Variants in RPGRIP1L observed in about 807,000 individuals in gnomAD.
The protein encoded by RPGRIP1L is protein fantom.
Under a neutral mutation model 160.4 loss-of-function variants are expected in RPGRIP1L, and 131 were observed. The observed-to-expected ratio is 0.82, with a 90% CI of 0.71 to 0.94. RPGRIP1L has a LOEUF of 0.94. Among genes scored for constraint, RPGRIP1L ranks in the 40% least tolerant of loss-of-function variants. The pLI, the probability that RPGRIP1L is intolerant of heterozygous loss-of-function variation, is 0.00. For missense variants in RPGRIP1L, 1,522 were observed against 1,535.8 expected, an observed-to-expected ratio of 0.99 and a Z score of 0.15; for synonymous variants, 510 against 515.8, an observed-to-expected ratio of 0.99 and a Z score of 0.15.
intron 16 of RPGRIP1L, among the ~76,000 whole-genome samples, 171 bp downstream of exon 16, chr16:53,648,793 T>A (rs1439184314): frequency 6.6e-6 from 1 of 151,236 alleles, no homozygotes; most frequent in Admixed American, 6.6e-5. Context: ...TTACAGGGGA[T>A]CTCTTTGTAC....
At chr16:53,689,062 CTATATA>C (rs149697924) in intron 4 of RPGRIP1L, among the ~76,000 whole-genome samples, 3 of 146,620 alleles carry the variant, frequency 2.0e-5, no homozygotes, top group African/African-American at 5.0e-5. Context: ...TTGCCAATGG[CTATATA>C]TATATATATG....
chr16:53,666,592 G>GTGTATA (rs1555608921), intron 9 of RPGRIP1L, among the ~76,000 whole-genome samples: 20 of 147,458 alleles, frequency 1.4e-4, no homozygotes, highest in Non-Finnish European at 2.7e-4. Flanking sequence ...GTGTGTGTGT[G>GTGTATA]TATATATATA....
chr16:53,607,471 G>A (rs1002275102), intron 25 of RPGRIP1L, among the ~76,000 whole-genome samples: 10 of 152,154 alleles, frequency 6.6e-5, no homozygotes, highest in African/African-American at 2.4e-4. Flanking sequence ...TTCCTAAAAT[G>A]AATTAGGAAA....
rs144623503 is a variant in RPGRIP1L at position 53,659,066 on chromosome 16, C to T, written c.1244-188G>A. 4.5e-3 allele frequency: 2,782 copies of T among 619,046 alleles called. 76 individuals carry two copies. The Admixed American group carries it at 0.06, about 13-fold the overall frequency. 38.3% of individuals were successfully genotyped at this position (619,046 alleles called of 1,614,324 possible). On this transcript the variant is annotated intron_variant, in intron 10 of 26. Coordinates refer to ENST00000647211, the MANE Select transcript of RPGRIP1L (RefSeq NM_015272.5). ...GGAATAAATGAACACTATCATGTGT[C>T]TACCATATGATTCACTTGCTCATCA...
Position 53,605,216 on chromosome 16 carries a change from A to G in RPGRIP1L, c.3835+265T>C, listed in dbSNP as rs527752736. ...ATGGCCAACTTTTTTTCACGCCTTC[A>G]CTCAATACTAACAAATGAATAATTC... On this transcript the variant is annotated intron_variant, in intron 26 of 26. Coordinates refer to ENST00000647211, the MANE Select transcript of RPGRIP1L (RefSeq NM_015272.5). Among the ~76,000 whole-genome samples, 25 of 152,014 alleles carry G rather than the reference A, an allele frequency of 1.6e-4. No individual in the cohort carries two copies. In the South Asian group the frequency reaches 3.5e-3, roughly 21 times the overall value.
In RPGRIP1L at chr16:53,664,993, G is replaced by A. The variant is rs200773352; in HGVS notation, c.1120C>T (p.His374Tyr). ...KLYDSAFSAA[H>Y]EEQWKLKEQQ... The stretch of plus-strand genomic sequence containing the variant: ...TCCTTTAACTTCCATTGCTCTTCAT[G>A]GGCAGCACTGAAGGCACTGCAAAAC... Residue 374 changes from histidine to tyrosine, a missense_variant, in exon 10 of 27, where the codon CAT becomes TAT. Transcript: ENST00000647211. The A allele has an allele frequency of 2.1e-4, 338 of 1,613,532 alleles. 2 individuals carry two copies. The South Asian group carries it at 3.5e-3, about 17-fold the overall frequency.
At chr16:53,694,088 T>C (rs1009527119) in intron 3 of RPGRIP1L, 13 of 152,202 alleles carry the variant, frequency 8.5e-5, no homozygotes, top group Non-Finnish European at 1.5e-4. Context: ...TTGATTATTT[T>C]ATCATATTAA....
chr16:53,651,656 C>A (rs374308068), intron 15 of RPGRIP1L, among the ~76,000 whole-genome samples: 1 of 152,106 alleles, frequency 6.6e-6, no homozygotes, highest in Non-Finnish European at 1.5e-5. Flanking sequence ...TCATTCTTTA[C>A]CCCCTCAGAG....
intron 1 of RPGRIP1L, 98 bp from the exon 2 acceptor site, chr16:53,700,828 T>G (rs915564349): frequency 1.2e-6 from 1 of 854,318 alleles, no homozygotes; most frequent in Non-Finnish European, 2.0e-6. Flanking sequence ...ACTAGAACTT[T>G]AATGGGCATC....
intron 22 of RPGRIP1L, among the ~76,000 whole-genome samples, chr16:53,624,370 G>T (rs1296833931): frequency 6.6e-6 from 1 of 150,514 alleles, no homozygotes; most frequent in Non-Finnish European, 1.5e-5. Context: ...GGCTAACACG[G>T]TGAAACCCTG....
At chr16:53,613,871 T>C (rs2150948255) in intron 24 of RPGRIP1L, among the ~76,000 whole-genome samples, 1 of 152,298 alleles carries the variant, frequency 6.6e-6, no homozygotes, top group South Asian at 2.1e-4. Context: ...ATTAAATAGA[T>C]CCAGAGAAGG....
intron 20 of RPGRIP1L, 78 bp downstream of exon 20, chr16:53,638,232 G>A: frequency 3.4e-6 from 3 of 884,296 alleles, no homozygotes; most frequent in African/African-American, 1.6e-5. Flanking sequence ...GACTTCCTGA[G>A]TCATGTCAAA....
At position 53,695,440 on chromosome 16, in the gene RPGRIP1L, T is replaced by C. The variant is rs996281325; in HGVS notation, c.230+711A>G. On this transcript the variant is annotated intron_variant, in intron 3 of 26. Coordinates refer to ENST00000647211, the MANE Select transcript of RPGRIP1L (RefSeq NM_015272.5). ...CCCTATTTTCATTCTTCAATGGTTGTCTCACCTTTTCTTTGAACCTAGAAC... is the reference window on the plus strand; with the variant it reads ...CCCTATTTTCATTCTTCAATGGTTGCCTCACCTTTTCTTTGAACCTAGAAC... 7.1e-6 allele frequency: 5 copies of C among 702,866 alleles called. No homozygotes were observed. The South Asian group carries it at 7.4e-5, about 10-fold the overall frequency. 43.5% of individuals were successfully genotyped at this position (702,866 alleles called of 1,614,324 possible). A position where few individuals can be genotyped will look rare whatever the true frequency, so the allele number is the denominator to read the frequency against.
At chr16:53,631,725 G>A (rs952601037) in intron 22 of RPGRIP1L, among the ~76,000 whole-genome samples, 11 of 152,066 alleles carry the variant, frequency 7.2e-5, no homozygotes, top group Non-Finnish European at 1.2e-4. Context: ...TCAGAATTCT[G>A]TCCCCCCACA....
chr16:53,678,925 T>C (rs1969403365), intron 6 of RPGRIP1L, among the ~76,000 whole-genome samples: 1 of 152,178 alleles, frequency 6.6e-6, no homozygotes, highest in Non-Finnish European at 1.5e-5. Flanking sequence ...CAGATAACAA[T>C]CAGCAGCAAG....
chr16:53,697,486 C>T (rs570150822), intron 2 of RPGRIP1L, among the ~76,000 whole-genome samples: 8 of 152,234 alleles, frequency 5.3e-5, no homozygotes, highest in African/African-American at 1.7e-4. Context: ...CTCAGCCTGC[C>T]GAGTGCCTGC....
intron 22 of RPGRIP1L, among the ~76,000 whole-genome samples, chr16:53,625,551 C>G (rs2150988860): frequency 6.6e-6 from 1 of 151,026 alleles, no homozygotes; most frequent in East Asian, 2.0e-4. Flanking sequence ...GGCAGCCACC[C>G]CGTCTTGGGG....
rs1176964415 is a variant in RPGRIP1L at position 53,658,579 on chromosome 16, AAACT to A, written c.1351-119_1351-116del. 1.4e-5 allele frequency: 13 copies of A among 934,184 alleles called. No individual in the cohort carries two copies. The South Asian group carries it at 1.5e-4, about 11-fold the overall frequency. The allele number at this position is 934,184 out of a possible 1,614,324, so 57.9% of individuals were successfully genotyped here. A position where few individuals can be genotyped will look rare whatever the true frequency, so the allele number is the denominator to read the frequency against. ...AAACTGACTGATGCCATGAACTAAC[AAACT>A]AAGTCTACAAGACATTCCAGTGCTT... is the stretch of plus-strand genomic sequence containing the variant. On this transcript the variant is annotated intron_variant, in intron 11 of 26. Transcript: ENST00000647211.
chr16:53,641,750 A>T (rs1188450349), intron 17 of RPGRIP1L, among the ~76,000 whole-genome samples: 1 of 152,220 alleles, frequency 6.6e-6, no homozygotes, highest in Non-Finnish European at 1.5e-5. Flanking sequence ...ACTGATTCAA[A>T]GATGAGACAA....
Sources: gnomAD v4.1 joint callset for allele counts (sites outside exome capture counted in the v4.1 genomes callset) on GRCh38, gnomAD v4.1.1 for gene constraint, MANE v1.5 for transcripts, NCBI Gene and HGNC (gene_info 2026-07-23, HGNC 2026-07-21) for gene names.